The following MYOM1 variants were observed in gnomAD, a reference collection of about 807,000 sequenced individuals.
MYOM1 encodes the protein myomesin 1, also known as myomesin-1.
A neutral mutation model predicts 205.3 loss-of-function variants in MYOM1; 164 were observed. That is an observed-to-expected ratio of 0.80 (90% CI 0.70 to 0.91). The LOEUF (loss-of-function observed/expected upper bound fraction) is 0.91, where lower values mean the gene tolerates loss of function less well. Ranked by LOEUF, MYOM1 falls within the 40% of genes least tolerant of loss-of-function variation. The pLI is 0.00. For missense variants in MYOM1, 2,011 were observed against 2,127.3 expected, an observed-to-expected ratio of 0.95 and a Z score of 1.08; for synonymous variants, 772 against 789.4, an observed-to-expected ratio of 0.98 and a Z score of 0.37.
At chr18:3,151,428 C>T (rs2143989232) in intron 12 of MYOM1, among the ~76,000 whole-genome samples, 2 of 145,836 alleles carry the variant, frequency 1.4e-5, no homozygotes, top group South Asian at 4.3e-4. Flanking sequence ...ATAAATGTTT[C>T]TGAATAAAAT....
In MYOM1 at chr18:3,107,275, G is replaced by A. The variant is rs543116990; in HGVS notation, c.3419-4645C>T. On this transcript the variant is annotated intron_variant, in intron 22 of 37. Coordinates refer to ENST00000356443, the MANE Select transcript of MYOM1 (RefSeq NM_003803.4). ...TGGGACTACAGGCATGTGCCACCAC[G>A]CTGGGCTAATTTTTTGTATTTTTAG... 7.2e-5 allele frequency among the ~76,000 whole-genome samples: 11 copies of A among 152,186 alleles called. No homozygotes were observed. In the South Asian group the frequency reaches 2.1e-3, roughly 29 times the overall value.
chr18:3,143,572 A>G (rs1328309021), intron 13 of MYOM1, among the ~76,000 whole-genome samples: 1 of 152,200 alleles, frequency 6.6e-6, no homozygotes, highest in East Asian at 1.9e-4. Flanking sequence ...ATGTATGACA[A>G]TAACAGCACC....
chr18:3,078,923 T>C (rs1380701132), intron 34 of MYOM1, among the ~76,000 whole-genome samples: 1 of 151,182 alleles, frequency 6.6e-6, no homozygotes, highest in Non-Finnish European at 1.5e-5. Flanking sequence ...CTGATTCTCC[T>C]GCCTCCCACA....
In MYOM1 at chr18:3,134,684, C is replaced by T. The variant is rs368949465; in HGVS notation, c.2350G>A (p.Glu784Lys). ...EASVAGSGKW[E>K]PCNNNPVKGS... ...TTCACGGGGTTGTTGTTACAGGGCT[C>T]CCACTTGCCAGAGCCAGCAACGCTC... The change falls in exon 16 of 38, where the codon GAG becomes AAG. Residue 784 changes from glutamate to lysine, a missense_variant. Physicochemically the swap from Glu to Lys is moderately conservative, Grantham distance 56 (BLOSUM62 1). Transcript: ENST00000356443. The T allele has an allele frequency of 3.5e-4, 564 of 1,613,806 alleles. 6 individuals are homozygous for T. The South Asian group carries it at 4.4e-3, about 13-fold the overall frequency.
In MYOM1 at chr18:3,117,661, T is replaced by TC. The variant is rs200221393; in HGVS notation, c.3119-1147_3119-1146insG. On this transcript the variant is annotated intron_variant, in intron 20 of 37. Coordinates refer to ENST00000356443, the MANE Select transcript of MYOM1 (RefSeq NM_003803.4). Reference sequence around the variant, plus strand: ...GAAAAAATTTATTTTTTCCTTTCCTTTTTTTTTTTTTAAATAACAACTGAC... The same window carrying TC: ...GAAAAAATTTATTTTTTCCTTTCCTTCTTTTTTTTTTTAAATAACAACTGAC... 1.8e-4 allele frequency among the ~76,000 whole-genome samples: 26 copies of TC among 147,582 alleles called. No individual in the cohort carries two copies. In the East Asian group the frequency reaches 3.7e-3, roughly 21 times the overall value.
chr18:3,169,006 A>C, intron 8 of MYOM1, 25 bp from the exon 9 acceptor site: 1 of 1,587,670 alleles, frequency 6.3e-7, no homozygotes, highest in Non-Finnish European at 8.6e-7. Flanking sequence ...AACAAATATC[A>C]GTAATTTTTT....
chr18:3,164,603 A>T (rs919272806), intron 9 of MYOM1, among the ~76,000 whole-genome samples, 164 bp from the exon 10 acceptor site: 1 of 152,242 alleles, frequency 6.6e-6, no homozygotes, highest in African/African-American at 2.4e-5. Flanking sequence ...TACATTGGTA[A>T]AAATACTGGA....
At chr18:3,228,194 C>T in the MYOM1 span, among the ~76,000 whole-genome samples, 2 of 152,206 alleles carry the variant, frequency 1.3e-5, no homozygotes, top group Non-Finnish European at 2.9e-5. This position sits in a 1 kb window ranked among gnomAD's most constrained non-coding sequence, Gnocchi z 4.5. Context: ...CCTGCAGTCA[C>T]AGTGGGCTGC....
rs1252400853 is a variant in MYOM1 at position 3,090,635 on chromosome 18, T to C, written c.4009+23A>G. 3 of 1,613,444 alleles carry C rather than the reference T, an allele frequency of 1.9e-6. No homozygotes were observed. The African/African-American group carries it at 4.0e-5, about 22-fold the overall frequency. ...TGAAGGGAGTAGCAAAGCCTGCTGG[T>C]TAATGTTCCACGGAATTCTTACCAT... is the stretch of plus-strand genomic sequence containing the variant. On this transcript the variant is annotated intron_variant, in intron 27 of 37. Coordinates refer to ENST00000356443, the MANE Select transcript of MYOM1 (RefSeq NM_003803.4).
At chr18:3,212,737 T>C (rs140114282) in intron 2 of MYOM1, among the ~76,000 whole-genome samples, 3 of 152,372 alleles carry the variant, frequency 2.0e-5, no homozygotes, top group Non-Finnish European at 4.4e-5. Flanking sequence ...ACATGTGCTT[T>C]CCTAAATGAG....
At chr18:3,096,228 A>G (rs1454623923) in intron 25 of MYOM1, among the ~76,000 whole-genome samples, 1 of 152,208 alleles carries the variant, frequency 6.6e-6, no homozygotes, top group Non-Finnish European at 1.5e-5. Flanking sequence ...CTGTTTGCAA[A>G]TGATCTAGTT....
chr18:3,216,686 A>G (rs2081271770), intron 1 of MYOM1, among the ~76,000 whole-genome samples: 1 of 152,164 alleles, frequency 6.6e-6, no homozygotes, highest in Non-Finnish European at 1.5e-5. Flanking sequence ...CCAGTAGTGT[A>G]GGGTCCTGTA....
rs116409175 is a variant in MYOM1, at chr18:3,184,633, G to C, written c.929+2847C>G. On this transcript the variant is annotated intron_variant, in intron 5 of 37. Coordinates refer to ENST00000356443, the MANE Select transcript of MYOM1 (RefSeq NM_003803.4). The stretch of plus-strand genomic sequence containing the variant: ...AGGCTGGGATGCAGTGGCGAGATCA[G>C]AGCTCACTGAAGCCTTGTTGTTCGT... 3.5e-3 allele frequency among the ~76,000 whole-genome samples: 531 copies of C among 152,280 alleles called. 1 individual carries two copies. The highest frequency in any genetic ancestry group is 0.012 in the African/African-American group (485 of 41,552).
In MYOM1 at chr18:3,173,875, G is replaced by A. The variant is rs10153407; in HGVS notation, c.1174+63C>T. On this transcript the variant is annotated intron_variant, in intron 8 of 37. Coordinates refer to ENST00000356443, the MANE Select transcript of MYOM1 (RefSeq NM_003803.4). ...GTATGCATTTATTTCAGCATTATGG[G>A]CTAACTTATTATGCCATATTTTACA... 0.3 allele frequency: 439,072 copies of A among 1,443,704 alleles called. 67,615 individuals are homozygous for A. The highest frequency in any genetic ancestry group is 0.4 in the African/African-American group (28,799 of 71,236). 89.4% of individuals were successfully genotyped at this position (1,443,704 alleles called of 1,614,324 possible). A position where few individuals can be genotyped will look rare whatever the true frequency, so the allele number is the denominator to read the frequency against.
intron 22 of MYOM1, among the ~76,000 whole-genome samples, chr18:3,103,601 A>G (rs1338270646): frequency 6.6e-6 from 1 of 152,188 alleles, no homozygotes; most frequent in Admixed American, 6.5e-5. Context: ...TATATAAAAT[A>G]TATTACATTT....
At chr18:3,159,074 GA>G (rs200316362) in intron 10 of MYOM1, among the ~76,000 whole-genome samples, 4 of 149,656 alleles carry the variant, frequency 2.7e-5, no homozygotes, top group Non-Finnish European at 1.5e-5. Flanking sequence ...AACAGAGTGT[GA>G]AAAAAAAAGA....
the MYOM1 span, among the ~76,000 whole-genome samples, chr18:3,241,416 G>A: frequency 3.9e-5 from 6 of 152,182 alleles, no homozygotes; most frequent in Non-Finnish European, 7.3e-5. Flanking sequence ...GGCCTCAAAG[G>A]GTGCAAGACC....
At chr18:3,232,716 C>G in the MYOM1 span, among the ~76,000 whole-genome samples, 1 of 152,138 alleles carries the variant, frequency 6.6e-6, no homozygotes, top group Non-Finnish European at 1.5e-5. Flanking sequence ...GCTTTATGTT[C>G]CATGCTTACC....
intron 23 of MYOM1, among the ~76,000 whole-genome samples, chr18:3,101,080 A>G (rs1268038853): frequency 6.6e-6 from 1 of 152,212 alleles, no homozygotes; most frequent in Admixed American, 6.5e-5. Flanking sequence ...AAGTGTATAA[A>G]CTGGGAGAAA....
Sources: allele counts gnomAD v4.1 joint callset (sites outside exome capture counted in the v4.1 genomes callset), GRCh38; gene constraint gnomAD v4.1.1; non-coding constraint Gnocchi (gnomAD v3.1); transcripts MANE v1.5; gene names NCBI Gene and HGNC (gene_info 2026-07-23, HGNC 2026-07-21).